The following EEFSEC variants were observed in gnomAD, a reference collection of about 807,000 sequenced individuals.
The protein encoded by EEFSEC is eukaryotic elongation factor, selenocysteine-tRNA specific, also known as selenocysteine-specific elongation factor.
EEFSEC carries 43 observed loss-of-function variants against 42.1 expected under a neutral mutation model. That is an observed-to-expected ratio of 1.02 (90% CI 0.80 to 1.32). The LOEUF (loss-of-function observed/expected upper bound fraction) is 1.32. EEFSEC is among the 40% of genes most tolerant of loss of function. EEFSEC has a pLI of 0.00. For synonymous variants in EEFSEC, 354 were observed against 339.1 expected (o/e 1.04, Z -0.48); for missense variants, 745 against 803.6 (o/e 0.93, Z 0.88).
chr3:128,299,740 C>T (rs971875705), intron 4 of EEFSEC, among the ~76,000 whole-genome samples: 1 of 152,244 alleles, frequency 6.6e-6, no homozygotes, highest in African/African-American at 2.4e-5. Context: ...CTTTACTTCC[C>T]TCAGCCCTAA....
At chr3:128,196,661 A>G (rs571615515) in intron 1 of EEFSEC, among the ~76,000 whole-genome samples, 2 of 152,238 alleles carry the variant, frequency 1.3e-5, no homozygotes, top group African/African-American at 4.8e-5. Flanking sequence ...GTTCCATTGT[A>G]TGAATACACA....
intron 1 of EEFSEC, among the ~76,000 whole-genome samples, chr3:128,165,608 G>A (rs1559850558): frequency 6.6e-6 from 1 of 152,170 alleles, no homozygotes; most frequent in Non-Finnish European, 1.5e-5. Context: ...GTGTTGTGAT[G>A]ATTCCTCTCT....
chr3:128,362,025 C>T (rs1576671908), intron 6 of EEFSEC: 1 of 322,516 alleles, frequency 3.1e-6, no homozygotes, highest in Non-Finnish European at 6.1e-6. Context: ...TGTGTCACCT[C>T]ACCCCTCTCC....
At chr3:128,240,493 C>T (rs2066058588) in intron 1 of EEFSEC, among the ~76,000 whole-genome samples, 1 of 152,184 alleles carries the variant, frequency 6.6e-6, no homozygotes, top group Admixed American at 6.5e-5. Context: ...TTTAAAATGA[C>T]CCTCTTGTTT....
chr3:128,365,862 A>G (rs753588607), intron 6 of EEFSEC, among the ~76,000 whole-genome samples: 57 of 152,318 alleles, frequency 3.7e-4, no homozygotes, highest in Non-Finnish European at 7.5e-4. Context: ...CTGATTGAAA[A>G]CAGAAGCCAA....
intron 5 of EEFSEC, among the ~76,000 whole-genome samples, chr3:128,355,236 T>C (rs2067437739): frequency 6.6e-6 from 1 of 152,084 alleles, no homozygotes; most frequent in Non-Finnish European, 1.5e-5. Context: ...AGGTCAGCTG[T>C]CAGGGATAAG....
intron 4 of EEFSEC, among the ~76,000 whole-genome samples, chr3:128,299,751 C>T (rs2066746525): frequency 6.6e-6 from 1 of 152,226 alleles, no homozygotes; most frequent in Non-Finnish European, 1.5e-5. Context: ...TCAGCCCTAA[C>T]ATGAGGATTA....
chr3:128,259,503 A>G (rs1021808891), intron 2 of EEFSEC, among the ~76,000 whole-genome samples: 3 of 152,286 alleles, frequency 2.0e-5, no homozygotes, highest in Middle Eastern at 3.4e-3. Flanking sequence ...CTTTCAATCT[A>G]TTTTCTCTGT....
At chr3:128,158,914 G>T (rs555396129) in intron 1 of EEFSEC, among the ~76,000 whole-genome samples, 4 of 152,262 alleles carry the variant, frequency 2.6e-5, no homozygotes, top group African/African-American at 9.6e-5. Context: ...TTTTTATTTA[G>T]ACTAAAACTG....
chr3:128,338,225 A>G (rs181655864), intron 4 of EEFSEC, among the ~76,000 whole-genome samples: 1 of 152,324 alleles, frequency 6.6e-6, no homozygotes, highest in Admixed American at 6.5e-5. Context: ...CCTTTACACA[A>G]TCATACACAC....
chr3:128,318,956 G>A (rs2066978302), intron 4 of EEFSEC, among the ~76,000 whole-genome samples: 1 of 152,230 alleles, frequency 6.6e-6, no homozygotes, highest in Non-Finnish European at 1.5e-5. Flanking sequence ...GCCCAGAGAG[G>A]AGAAATGACT....
intron 6 of EEFSEC, among the ~76,000 whole-genome samples, chr3:128,390,105 GA>G (rs1297884276): frequency 2.0e-5 from 3 of 152,226 alleles, no homozygotes; most frequent in Non-Finnish European, 4.4e-5. Flanking sequence ...TGCATCTTGT[GA>G]AAGTGCTTTG....
At chr3:128,181,147 G>A (rs1431782065) in intron 1 of EEFSEC, among the ~76,000 whole-genome samples, 1 of 152,186 alleles carries the variant, frequency 6.6e-6, no homozygotes, top group Non-Finnish European at 1.5e-5. Context: ...GCCTGGGCGT[G>A]AGTGGGTGTG....
At chr3:128,417,677 A>G in the EEFSEC span, among the ~76,000 whole-genome samples, 2 of 152,130 alleles carry the variant, frequency 1.3e-5, no homozygotes, top group Non-Finnish European at 1.5e-5. The surrounding 1 kb of genome is among the most constrained non-coding windows in gnomAD (Gnocchi z 4.3). Flanking sequence ...CTCCACACAC[A>G]GGAGCACTCG....
intron 1 of EEFSEC, among the ~76,000 whole-genome samples, chr3:128,195,318 C>T (rs961160418): frequency 6.6e-6 from 1 of 152,160 alleles, no homozygotes; most frequent in African/African-American, 2.4e-5. Flanking sequence ...CATTGCTGCA[C>T]AGTGCTGAAA....
intron 4 of EEFSEC, among the ~76,000 whole-genome samples, chr3:128,312,244 G>A (rs1034795346): frequency 2.6e-5 from 4 of 152,238 alleles, no homozygotes; most frequent in Non-Finnish European, 5.9e-5. Flanking sequence ...GTGAAGTAGG[G>A]ACTGTTATCA....
intron 1 of EEFSEC, among the ~76,000 whole-genome samples, chr3:128,218,452 C>T (rs1316456711): frequency 1.3e-5 from 2 of 152,200 alleles, no homozygotes; most frequent in Admixed American, 6.5e-5. Context: ...CAAACAGATG[C>T]GGCTAGCTTT....
chr3:128,202,127 C>T (rs1208723552), intron 1 of EEFSEC, among the ~76,000 whole-genome samples: 2 of 152,086 alleles, frequency 1.3e-5, no homozygotes, highest in African/African-American at 4.8e-5. Flanking sequence ...AGTGTAAGTC[C>T]TCCAACTTTG....
chr3:128,235,774 C>G (rs970114322), intron 1 of EEFSEC, among the ~76,000 whole-genome samples: 1 of 152,260 alleles, frequency 6.6e-6, no homozygotes, highest in African/African-American at 2.4e-5. Flanking sequence ...ACCTTTTGCT[C>G]TTCCAGACAC....
Sources: gnomAD v4.1 joint callset for allele counts (sites outside exome capture counted in the v4.1 genomes callset) on GRCh38, gnomAD v4.1.1 for gene constraint, Gnocchi (gnomAD v3.1) non-coding constraint, MANE v1.5 for transcripts, NCBI Gene and HGNC (gene_info 2026-07-23, HGNC 2026-07-21) for gene names.